The following KIAA0825 variants were observed in gnomAD, a reference collection of about 807,000 sequenced individuals.
KIAA0825 encodes KIAA0825, also known as uncharacterized protein KIAA0825.
KIAA0825 carries 119 observed loss-of-function variants against 147.6 expected under a neutral mutation model. The ratio of observed to expected loss-of-function variants is 0.81; its 90% CI spans 0.69 to 0.94. The LOEUF (loss-of-function observed/expected upper bound fraction) is 0.94, where lower values mean the gene tolerates loss of function less well. KIAA0825 is among the 40% of genes least tolerant of loss of function. The probability of loss-of-function intolerance (pLI) is 0.00; values close to 1 mark genes in which losing one functional copy is unlikely to be tolerated. For missense variants in KIAA0825, 1,381 were observed against 1,472.7 expected, an observed-to-expected ratio of 0.94 and a Z score of 1.02; for synonymous variants, 470 against 518.1, an observed-to-expected ratio of 0.91 and a Z score of 1.26.
At chr5:94,294,671 A>G (rs892743031) in intron 20 of KIAA0825, among the ~76,000 whole-genome samples, 14 of 152,208 alleles carry the variant, frequency 9.2e-5, no homozygotes, top group African/African-American at 3.4e-4. Context: ...GGTTGCAGTG[A>G]GCTGAGAATG....
rs189969416 is a variant in KIAA0825, at chr5:94,286,510, G to C, written c.3710+97858C>G. ...TCCTTTAGTACCAGCCACCTAATGG[G>C]TGCTTCACAAATCATACAGGGAATA... On this transcript the variant is annotated intron_variant, in intron 20 of 20. Transcript: ENST00000682413. Among the ~76,000 whole-genome samples the C allele has an allele frequency of 5.9e-5, 9 of 152,078 alleles. No individual in the cohort carries two copies. In the East Asian group the frequency reaches 1.7e-3, roughly 29 times the overall value.
At chr5:94,409,441 T>G (rs1009830264) in intron 15 of KIAA0825, among the ~76,000 whole-genome samples, 1 of 152,130 alleles carries the variant, frequency 6.6e-6, no homozygotes, top group Non-Finnish European at 1.5e-5. Flanking sequence ...AAGCAAACCA[T>G]GAAAGTCTCA....
intron 3 of KIAA0825, among the ~76,000 whole-genome samples, chr5:94,534,068 T>A (rs910098627): frequency 1.3e-5 from 2 of 152,238 alleles, no homozygotes; most frequent in African/African-American, 4.8e-5. Context: ...AAAAATATCA[T>A]ATTTTAAAAT....
chr5:94,368,884 T>C (rs1333748289), intron 20 of KIAA0825, among the ~76,000 whole-genome samples: 3 of 152,154 alleles, frequency 2.0e-5, no homozygotes, highest in Non-Finnish European at 4.4e-5. Flanking sequence ...ATTACTATTA[T>C]GGGCTGGTTA....
chr5:94,463,254 T>A lies in KIAA0825; in HGVS notation c.2064-685A>T, dbSNP rs537852075. Reference sequence around the variant, plus strand: ...TCTAACTAAATTGAACAGACCTCAGTTAGTTTCTTCTTTTATTTGTCTTTT... The same window carrying A: ...TCTAACTAAATTGAACAGACCTCAGATAGTTTCTTCTTTTATTTGTCTTTT... On this transcript the variant is annotated intron_variant, in intron 11 of 20. Transcript: ENST00000682413. Among the ~76,000 whole-genome samples the A allele has an allele frequency of 4.0e-5, 6 of 151,692 alleles. No homozygotes were observed. In the South Asian group the frequency reaches 1.2e-3, roughly 31 times the overall value.
At chr5:94,275,509 T>C (rs946054475) in intron 20 of KIAA0825, among the ~76,000 whole-genome samples, 1 of 152,126 alleles carries the variant, frequency 6.6e-6, no homozygotes, top group Non-Finnish European at 1.5e-5. Flanking sequence ...AAGAATATGG[T>C]TACAATTAAT....
rs1762862733 is a variant in KIAA0825, at chr5:94,484,827, A to AG, written c.1073_1074insC (p.Val359CysfsTer6). On this transcript the variant is annotated frameshift_variant, in exon 6 of 21. Transcript: ENST00000682413. LOFTEE classifies it high-confidence loss of function. The stretch of plus-strand genomic sequence containing the variant: ...GTATTTCGTCAAACAATTCTTGAAC[A>AG]CCTTTTTCCAGTTTCATAAAGGATT... 2 of 1,530,578 alleles carry AG rather than the reference A, an allele frequency of 1.3e-6. No individual in the cohort carries two copies. The highest frequency in any genetic ancestry group is 1.8e-6 in the Non-Finnish European group (2 of 1,132,620). 94.8% of individuals were successfully genotyped at this position (1,530,578 alleles called of 1,614,324 possible). A position where few individuals can be genotyped will look rare whatever the true frequency, so the allele number is the denominator to read the frequency against.
chr5:94,152,841 AAAAAAAAAAAAAAATTATAT>A lies in KIAA0825; in HGVS notation c.*1146_*1165del, dbSNP rs1562283916. ...AAAATGAAAAAAAAAAAAAAAAAAA[AAAAAAAAAAAAAAATTATAT>A]ATATATATATATATATATATATATA... On this transcript the variant is annotated 3_prime_UTR_variant, in exon 21 of 21. Coordinates refer to ENST00000682413, the MANE Select transcript of KIAA0825 (RefSeq NM_001145678.3). The A allele has an allele frequency of 4.1e-4, 14 of 33,852 alleles. 2 individuals carry two copies. Among genetic ancestry groups the A allele is most frequent in the Admixed American group, 8.8e-4 (2 of 2,278 alleles). The allele number at this position is 33,852 out of a possible 1,614,324, so 2.1% of individuals were successfully genotyped here.
At chr5:94,583,832 A>G (rs994168528) in intron 1 of KIAA0825, among the ~76,000 whole-genome samples, 7 of 152,088 alleles carry the variant, frequency 4.6e-5, no homozygotes, top group Non-Finnish European at 1.0e-4. Context: ...TTCCAGAGGA[A>G]GGATCAGGCA....
At chr5:94,227,820 C>T (rs1774341774) in intron 20 of KIAA0825, among the ~76,000 whole-genome samples, 1 of 151,616 alleles carries the variant, frequency 6.6e-6, no homozygotes, top group Admixed American at 6.6e-5. Context: ...TGTGACCTGT[C>T]TCGGGGGTTG....
At chr5:94,610,532 G>A (rs1788525364) in intron 1 of KIAA0825, among the ~76,000 whole-genome samples, 1 of 150,488 alleles carries the variant, frequency 6.6e-6, no homozygotes, top group African/African-American at 2.4e-5. Flanking sequence ...GGGAGGCTGA[G>A]GCAGGCAGAT....
chr5:94,466,609 C>T (rs56037088), intron 10 of KIAA0825, among the ~76,000 whole-genome samples: 22,680 of 151,412 alleles, frequency 0.15, 1,954 homozygotes, highest in East Asian at 0.21. Context: ...TGGTGGCAGG[C>T]GCCTGTAGTC....
At chr5:94,513,726 C>T (rs1003142545) in intron 5 of KIAA0825, among the ~76,000 whole-genome samples, 2 of 151,616 alleles carry the variant, frequency 1.3e-5, no homozygotes, top group African/African-American at 4.8e-5. Flanking sequence ...ACACATCTAC[C>T]CAAGCACATA....
chr5:94,241,653 A>T lies in KIAA0825; in HGVS notation c.3711-87529T>A, dbSNP rs191297823. 3.9e-3 allele frequency among the ~76,000 whole-genome samples: 588 copies of T among 152,330 alleles called. 4 individuals carry two copies. The highest frequency in any genetic ancestry group is 3.3e-3 in the Non-Finnish European group (224 of 68,032). ...AAAGAATTTTAAGCATTTAAAAATA[A>T]AATACCCTTCCTACATTTGGGGAGT... On this transcript the variant is annotated intron_variant, in intron 20 of 20. Coordinates refer to ENST00000682413, the MANE Select transcript of KIAA0825 (RefSeq NM_001145678.3).
Position 94,546,792 on chromosome 5 carries a change from C to CAAA in KIAA0825, c.-1-9668_-1-9666dup, listed in dbSNP as rs372542896. Among the ~76,000 whole-genome samples, 170 of 49,628 alleles carry CAAA rather than the reference C, an allele frequency of 3.4e-3. 3 individuals are homozygous for CAAA. The highest frequency in any genetic ancestry group is 5.9e-3 in the African/African-American group (66 of 11,276). The allele number at this position is 49,628 out of a possible 152,430, so 32.6% of individuals were successfully genotyped here. A position where few individuals can be genotyped will look rare whatever the true frequency, so the allele number is the denominator to read the frequency against. On this transcript the variant is annotated intron_variant, in intron 2 of 20. Transcript: ENST00000682413. The stretch of plus-strand genomic sequence containing the variant: ...ACCTAATTATTCTATGTCCAGGCAC[C>CAAA]AAAAAAAAAAAAAAAAAAAAAAAAT...
intron 20 of KIAA0825, among the ~76,000 whole-genome samples, chr5:94,168,789 A>T (rs186065476): frequency 1.3e-5 from 2 of 152,312 alleles, no homozygotes; most frequent in African/African-American, 4.8e-5. Flanking sequence ...CTTCAGAGTA[A>T]GGTATAATTT....
intron 20 of KIAA0825, among the ~76,000 whole-genome samples, chr5:94,334,438 GA>G (rs1781593727): frequency 6.6e-6 from 1 of 151,988 alleles, no homozygotes; most frequent in South Asian, 2.1e-4. Context: ...GGTCCCAGAA[GA>G]AAAAAGGTAG....
intron 5 of KIAA0825, among the ~76,000 whole-genome samples, chr5:94,516,189 G>T (rs1767202440): frequency 6.6e-6 from 1 of 152,124 alleles, no homozygotes; most frequent in South Asian, 2.1e-4. Context: ...ATAGAAAAAT[G>T]GCTAGAGAGA....
chr5:94,161,419 C>T (rs556902078), intron 20 of KIAA0825, among the ~76,000 whole-genome samples: 15 of 152,310 alleles, frequency 9.8e-5, no homozygotes, highest in African/African-American at 3.6e-4. Context: ...CAAACCTGCT[C>T]ATCCTTCTTC....
Sources: gnomAD v4.1 joint callset for allele counts (sites outside exome capture counted in the v4.1 genomes callset) on GRCh38, gnomAD v4.1.1 for gene constraint, MANE v1.5 for transcripts, NCBI Gene and HGNC (gene_info 2026-07-23, HGNC 2026-07-21) for gene names.